SYCP2L: variants seen among roughly 807,000 people sequenced by gnomAD.
SYCP2L encodes synaptonemal complex protein 2-like.
SYCP2L carries 98 observed loss-of-function variants against 125.8 expected under a neutral mutation model. The observed-to-expected ratio is 0.78, with a 90% confidence interval of 0.66 to 0.92. The LOEUF (loss-of-function observed/expected upper bound fraction) is 0.92, where lower values mean the gene tolerates loss of function less well. SYCP2L is among the 40% of genes least tolerant of loss of function. The probability of loss-of-function intolerance (pLI) is 0.00; values close to 1 mark genes in which losing one functional copy is unlikely to be tolerated. For synonymous variants in SYCP2L, 317 were observed against 325.4 expected, an observed-to-expected ratio of 0.97 and a Z score of 0.28; for missense variants, 842 against 936.4, an observed-to-expected ratio of 0.90 and a Z score of 1.32.
intron 1 of SYCP2L, among the ~76,000 whole-genome samples, chr6:10,889,975 G>A (rs1780148008): frequency 6.6e-6 from 1 of 152,138 alleles, no homozygotes. Flanking sequence ...GTGTCTGTCT[G>A]TGCCCCGCTT....
At chr6:10,964,396 C>A (rs929868714) in intron 29 of SYCP2L, among the ~76,000 whole-genome samples, 6 of 152,112 alleles carry the variant, frequency 3.9e-5, no homozygotes, top group Non-Finnish European at 8.8e-5. Flanking sequence ...GGTTGAGTAT[C>A]CCTCATCCAA....
intron 4 of SYCP2L, 46 bp from the exon 5 acceptor site, chr6:10,897,965 G>T: frequency 1.7e-6 from 2 of 1,193,484 alleles, no homozygotes; most frequent in Non-Finnish European, 2.5e-6. Flanking sequence ...TTATTGAATA[G>T]GCAGCATTTA....
At chr6:10,948,656 G>A (rs1238860434) in intron 23 of SYCP2L, among the ~76,000 whole-genome samples, 1 of 152,106 alleles carries the variant, frequency 6.6e-6, no homozygotes, top group East Asian at 1.9e-4. Context: ...ACACTCATGA[G>A]TGGAACAAAC....
At chr6:10,905,876 G>A in intron 8 of SYCP2L, 144 bp from the exon 9 acceptor site, 2 of 584,126 alleles carry the variant, frequency 3.4e-6, no homozygotes, top group South Asian at 5.2e-5. Context: ...CCATAAATAT[G>A]TGTTGGCATT....
chr6:10,890,670 C>G (rs1001171540), intron 1 of SYCP2L, among the ~76,000 whole-genome samples: 7 of 152,122 alleles, frequency 4.6e-5, no homozygotes, highest in African/African-American at 1.7e-4. Context: ...ATTTCCCTTT[C>G]TGTAAGAAGC....
At chr6:10,936,276 C>A (rs2113367842) in intron 21 of SYCP2L, among the ~76,000 whole-genome samples, 1 of 151,888 alleles carries the variant, frequency 6.6e-6, no homozygotes, top group African/African-American at 2.4e-5. Context: ...GCGGGCAGAT[C>A]ACCTGAGGTC....
chr6:10,894,318 G>T, intron 4 of SYCP2L, 114 bp downstream of exon 4: 4 of 1,299,722 alleles, frequency 3.1e-6, no homozygotes, highest in Non-Finnish European at 4.3e-6. Flanking sequence ...AATTTGAAAA[G>T]AAATTGATAT....
intron 21 of SYCP2L, among the ~76,000 whole-genome samples, chr6:10,936,630 C>T (rs1352122246): frequency 6.6e-6 from 1 of 152,146 alleles, no homozygotes; most frequent in Non-Finnish European, 1.5e-5. Context: ...ATTAAATTCT[C>T]CAATCAAAAG....
chr6:10,920,820 T>C (rs1157322276), intron 14 of SYCP2L, among the ~76,000 whole-genome samples: 1 of 152,010 alleles, frequency 6.6e-6, no homozygotes, highest in Admixed American at 6.6e-5. Flanking sequence ...AATGTTATAA[T>C]TGCGTTCCTT....
In SYCP2L at chr6:10,954,866, G is replaced by C. The variant is rs1781472854; in HGVS notation, c.1955-250G>C. Among the ~76,000 whole-genome samples, 1 of 152,178 alleles carries C rather than the reference G, an allele frequency of 6.6e-6. No homozygotes were observed. The highest frequency in any genetic ancestry group is 2.4e-5 in the African/African-American group (1 of 41,444). Reference sequence around the variant, plus strand: ...TTAGGAACGCTCTGCCTAGTGAGGGGTCTGTGCTAAGCAGAGTGTTCCTAA... The same window carrying C: ...TTAGGAACGCTCTGCCTAGTGAGGGCTCTGTGCTAAGCAGAGTGTTCCTAA... On this transcript the variant is annotated intron_variant, in intron 23 of 29. Transcript: ENST00000283141. This position sits in a 1 kb window ranked among gnomAD's most constrained non-coding sequence, Gnocchi z 4.8.
rs1780399679 is a variant in SYCP2L, at chr6:10,902,702, C to A, written c.492C>A (p.Phe164Leu). ...SEGKIQMLDS[F>L]LLSLGFLVTE... ...GGAAAATTCAGATGTTGGATTCCTT[C>A]CTACTTAGCTTAGGATTCCTGGTGA... The change falls in exon 7 of 30, where the codon TTC becomes TTA. Residue 164 changes from phenylalanine to leucine, a missense_variant. Transcript: ENST00000283141. The A allele has an allele frequency of 7.4e-6, 12 of 1,613,916 alleles. No homozygotes were observed. Among genetic ancestry groups the A allele is most frequent in the Non-Finnish European group, 1.0e-5 (12 of 1,179,932 alleles).
intron 21 of SYCP2L, among the ~76,000 whole-genome samples, chr6:10,941,906 A>G (rs901576460): frequency 6.6e-6 from 1 of 152,134 alleles, no homozygotes; most frequent in African/African-American, 2.4e-5. Context: ...AACCAACCCA[A>G]ATGTCCAACA....
chr6:10,924,662 G>A, intron 15 of SYCP2L, 21 bp downstream of exon 15: 1 of 1,508,580 alleles, frequency 6.6e-7, no homozygotes, highest in Non-Finnish European at 8.8e-7. Context: ...TCATTCTTTT[G>A]GATTATTTAA....
chr6:10,925,113 T>C (rs2113346570), intron 15 of SYCP2L, among the ~76,000 whole-genome samples: 1 of 152,268 alleles, frequency 6.6e-6, no homozygotes, highest in Admixed American at 6.5e-5. Flanking sequence ...TTCACAATCA[T>C]GGTAGAAGGC....
At chr6:10,891,650 T>TATATGA in intron 2 of SYCP2L, 69 bp downstream of exon 2, 8 of 897,122 alleles carry the variant, frequency 8.9e-6, no homozygotes, top group South Asian at 3.2e-5. Context: ...TGTGTGTGTG[T>TATATGA]GTGTGTGTGT....
chr6:10,928,095 T>C lies in SYCP2L; in HGVS notation c.1441-308T>C, dbSNP rs58915358. ...AGATTTCATATTGTTCAAACACACA[T>C]GCTCTACAATTTGTGCAGTTAACGC... On this transcript the variant is annotated intron_variant, in intron 17 of 29. Transcript: ENST00000283141. Among the ~76,000 whole-genome samples, 125 of 152,184 alleles carry C rather than the reference T, an allele frequency of 8.2e-4. 2 individuals carry two copies. In the East Asian group the frequency reaches 0.02, roughly 25 times the overall value.
intron 4 of SYCP2L, among the ~76,000 whole-genome samples, chr6:10,896,971 C>T (rs184883552): frequency 4.6e-5 from 7 of 152,208 alleles, no homozygotes; most frequent in Non-Finnish European, 7.4e-5. Flanking sequence ...AAGAGTTGTT[C>T]GTCAGAAACT....
intron 29 of SYCP2L, among the ~76,000 whole-genome samples, chr6:10,968,488 C>T (rs1045223543): frequency 3.3e-5 from 5 of 152,104 alleles, no homozygotes; most frequent in Non-Finnish European, 7.4e-5. Flanking sequence ...TGCTACCCCT[C>T]TGCCTGGCCA....
intron 23 of SYCP2L, among the ~76,000 whole-genome samples, chr6:10,944,607 G>A (rs75115402): frequency 0.027 from 4,130 of 151,978 alleles, 153 homozygotes; most frequent in East Asian, 0.2. Context: ...TATTTCCTAT[G>A]TTACTACATT....
Sources: allele counts gnomAD v4.1 joint callset (sites outside exome capture counted in the v4.1 genomes callset), GRCh38; gene constraint gnomAD v4.1.1; non-coding constraint Gnocchi (gnomAD v3.1); transcripts MANE v1.5; gene names NCBI Gene and HGNC (gene_info 2026-07-23, HGNC 2026-07-21).